FAT3: variants seen among roughly 807,000 people sequenced by gnomAD.
The protein encoded by FAT3 is FAT atypical cadherin 3.
FAT3 carries 95 observed loss-of-function variants against 310.2 expected under a neutral mutation model. That is an observed-to-expected ratio of 0.31 (90% CI 0.26 to 0.36). The LOEUF is 0.36. FAT3 is among the 10% of genes least tolerant of loss of function. FAT3 has a pLI of 1.00. For missense variants in FAT3, 5,408 were observed against 5,715.6 expected (o/e 0.95, Z 1.74); for synonymous variants, 2,314 against 2,192.9 (o/e 1.06, Z -1.54).
chr11:92,859,491 T>C (rs1014100364), intron 21 of FAT3, among the ~76,000 whole-genome samples, 169 bp downstream of exon 21: 8 of 152,158 alleles, frequency 5.3e-5, no homozygotes, highest in Non-Finnish European at 1.2e-4. Flanking sequence ...CAACATCCCA[T>C]TTCCTTTTGA....
rs182646681 is a variant in FAT3 at position 92,678,508 on chromosome 11, G to T, written c.3608-18876G>T. On this transcript the variant is annotated intron_variant, in intron 3 of 27. Transcript: ENST00000525166. ...TCATGATCTAAACACTTCCCATTAG[G>T]CCTCCCAGTGCTGTTGCACTGGGGA... 2.5e-3 allele frequency among the ~76,000 whole-genome samples: 388 copies of T among 152,176 alleles called. 1 individual carries two copies. Among genetic ancestry groups the T allele is most frequent in the African/African-American group, 8.8e-3 (364 of 41,532 alleles).
At chr11:92,500,895 AT>A (rs1473317993) in intron 2 of FAT3, among the ~76,000 whole-genome samples, 1 of 152,058 alleles carries the variant, frequency 6.6e-6, no homozygotes, top group African/African-American at 2.4e-5. Context: ...AAGTTAATAA[AT>A]GAATTTTATC....
At chr11:92,260,410 T>C (rs966103593) in intron 1 of FAT3, among the ~76,000 whole-genome samples, 3 of 152,152 alleles carry the variant, frequency 2.0e-5, no homozygotes, top group African/African-American at 7.2e-5. Context: ...GCTTTCTTAC[T>C]TGGTTATAGA....
intron 3 of FAT3, among the ~76,000 whole-genome samples, chr11:92,628,703 T>G (rs1941429757): frequency 6.6e-6 from 1 of 152,238 alleles, no homozygotes; most frequent in African/African-American, 2.4e-5. Flanking sequence ...CTTAGGAGAT[T>G]GTCCACTCTT....
intron 1 of FAT3, among the ~76,000 whole-genome samples, chr11:92,254,367 C>T (rs1171235501): frequency 6.6e-6 from 1 of 152,112 alleles, no homozygotes; most frequent in Non-Finnish European, 1.5e-5. Context: ...TTTTATTCAC[C>T]AGACTGTTAC....
intron 2 of FAT3, among the ~76,000 whole-genome samples, chr11:92,458,289 G>A (rs1181674237): frequency 6.6e-6 from 1 of 152,168 alleles, no homozygotes; most frequent in Admixed American, 6.5e-5. Context: ...ATGTGATAAT[G>A]CCCATTAATC....
chr11:92,763,590 C>T (rs747893704), intron 5 of FAT3, among the ~76,000 whole-genome samples: 2 of 152,142 alleles, frequency 1.3e-5, no homozygotes, highest in Non-Finnish European at 2.9e-5. Flanking sequence ...TTCCCAGCCT[C>T]CAGTCTAGCA....
At chr11:92,505,978 C>T (rs1471151479) in intron 2 of FAT3, among the ~76,000 whole-genome samples, 5 of 152,014 alleles carry the variant, frequency 3.3e-5, no homozygotes, top group Non-Finnish European at 2.9e-5. Flanking sequence ...ACTATAAACA[C>T]CATAATTAAG....
At chr11:92,808,284 G>A (rs981415623) in intron 12 of FAT3, among the ~76,000 whole-genome samples, 6 of 152,134 alleles carry the variant, frequency 3.9e-5, no homozygotes, top group Non-Finnish European at 8.8e-5. Context: ...AGAAACATAA[G>A]GGGAGCTATA....
Position 92,895,575 on chromosome 11 carries a change from G to C in FAT3, c.*4462G>C, listed in dbSNP as rs1331203442. On this transcript the variant is annotated 3_prime_UTR_variant, in exon 28 of 28. Transcript: ENST00000525166. ...TTTGGACCAATTAGTATGTACTGTA[G>C]TACCCTTCTGGCAAACAAATAACTG... 2 of 152,186 alleles carry C rather than the reference G, an allele frequency of 1.3e-5. No homozygotes were observed. Among genetic ancestry groups the C allele is most frequent in the East Asian group, 1.9e-4 (1 of 5,204 alleles). The allele number at this position is 152,186 out of a possible 1,614,324, so 9.4% of individuals were successfully genotyped here.
chr11:92,577,807 A>G (rs941784017), intron 3 of FAT3, among the ~76,000 whole-genome samples: 20 of 152,130 alleles, frequency 1.3e-4, no homozygotes, highest in African/African-American at 4.8e-4. Flanking sequence ...AAAAATATCT[A>G]TTTGTGATAT....
chr11:92,620,846 A>T (rs1167009313), intron 3 of FAT3, among the ~76,000 whole-genome samples: 1 of 152,248 alleles, frequency 6.6e-6, no homozygotes, highest in Non-Finnish European at 1.5e-5. Flanking sequence ...TGGGAATTCT[A>T]AAGTCAAGGA....
intron 4 of FAT3, among the ~76,000 whole-genome samples, chr11:92,706,093 TTAATGGTGG>T (rs1944340220): frequency 6.7e-6 from 1 of 150,194 alleles, no homozygotes; most frequent in African/African-American, 2.5e-5. Flanking sequence ...GGAGATGGTG[TTAATGGTGG>T]TGGTGGTAGT....
chr11:92,844,044 C>T lies in FAT3; in HGVS notation c.10677C>T (p.Val3559=). 6.2e-7 allele frequency: 1 copy of T among 1,613,974 alleles called. No individual in the cohort carries two copies. Among genetic ancestry groups the T allele is most frequent in the Non-Finnish European group, 8.5e-7 (1 of 1,179,896 alleles). The change falls in exon 19 of 28, where the codon GTC becomes GTT. Residue 3559 remains valine, a synonymous_variant. Coordinates refer to ENST00000525166, the MANE Select transcript of FAT3 (RefSeq NM_001367949.2). ...PTAIPLEIFI[V]TMEDDFPGGV... ...CCATTCCCCTGGAAATTTTCATTGT[C>T]ACCATGGAGGATGACTTTCCTGGTG... is the stretch of plus-strand genomic sequence containing the variant.
intron 3 of FAT3, among the ~76,000 whole-genome samples, chr11:92,578,682 T>C (rs1376201356): frequency 1.3e-5 from 2 of 152,126 alleles, no homozygotes; most frequent in Non-Finnish European, 2.9e-5. Flanking sequence ...TGCTAGTCCC[T>C]GAATCACCTG....
rs1279383451 is a variant in FAT3, at chr11:92,799,267, T to A, written c.6254T>A (p.Val2085Glu). The A allele has an allele frequency of 1.2e-6, 2 of 1,613,836 alleles. No individual in the cohort carries two copies. Among genetic ancestry groups the A allele is most frequent in the Non-Finnish European group, 1.7e-6 (2 of 1,179,880 alleles). Residue 2085 changes from valine (V) to glutamate (E), a missense_variant, in exon 10 of 28, where the codon GTG becomes GAG. Val to Glu is a moderately radical substitution (Grantham distance 121). Around this residue, in one of 5 missense-constraint regions of FAT3, gnomAD observed 4,588 missense variants for 4,809.8 expected, o/e 0.95. Coordinates refer to ENST00000525166, the MANE Select transcript of FAT3 (RefSeq NM_001367949.2). ...ATAAATGACAATTCTCCAGTCTTTGTGGGCCTCCCATACTATGCTGCTGTT... is the reference window on the plus strand; with the variant it reads ...ATAAATGACAATTCTCCAGTCTTTGAGGGCCTCCCATACTATGCTGCTGTT... ...EDINDNSPVF[V>E]GLPYYAAVQV...
At chr11:92,679,679 A>T (rs1420587567) in intron 3 of FAT3, among the ~76,000 whole-genome samples, 1 of 151,746 alleles carries the variant, frequency 6.6e-6, no homozygotes, top group Non-Finnish European at 1.5e-5. Context: ...CATCTCTACT[A>T]AAAATACAAA....
chr11:92,547,005 G>A (rs998267562), intron 3 of FAT3, among the ~76,000 whole-genome samples: 1 of 152,120 alleles, frequency 6.6e-6, no homozygotes, highest in African/African-American at 2.4e-5. Flanking sequence ...CACATAATAC[G>A]TAAGGTCTCT....
At chr11:92,764,342 G>C (rs1284521808) in intron 5 of FAT3, among the ~76,000 whole-genome samples, 1 of 152,104 alleles carries the variant, frequency 6.6e-6, no homozygotes, top group African/African-American at 2.4e-5. Flanking sequence ...TCTTGCTCCT[G>C]GGATCCTGTG....
Sources: allele counts gnomAD v4.1 joint callset (sites outside exome capture counted in the v4.1 genomes callset), GRCh38; gene constraint gnomAD v4.1.1; regional missense constraint gnomAD v4.1.1; transcripts MANE v1.5; gene names NCBI Gene and HGNC (gene_info 2026-07-23, HGNC 2026-07-21).